ZNF385D: variants seen among roughly 807,000 people sequenced by gnomAD.
ZNF385D encodes zinc finger protein 385D.
In ZNF385D, 15 loss-of-function variants were observed where a neutral mutation model predicts 35.8. The ratio of observed to expected loss-of-function variants is 0.42; its 90% CI spans 0.28 to 0.64. The LOEUF (loss-of-function observed/expected upper bound fraction) is 0.64, where lower values mean the gene tolerates loss of function less well. Ranked by LOEUF, ZNF385D falls within the 30% of genes least tolerant of loss-of-function variation. The pLI, the probability that ZNF385D is intolerant of heterozygous loss-of-function variation, is 0.23. For synonymous variants in ZNF385D, 212 were observed against 186.8 expected, an observed-to-expected ratio of 1.13 and a Z score of -1.10; for missense variants, 474 against 494.6, an observed-to-expected ratio of 0.96 and a Z score of 0.39.
intron 2 of ZNF385D, among the ~76,000 whole-genome samples, chr3:22,295,201 C>G (rs1008309880): frequency 2.0e-5 from 3 of 152,098 alleles, no homozygotes; most frequent in Non-Finnish European, 4.4e-5. Context: ...AAAGATTTAA[C>G]AGTCTTTCAG....
chr3:22,222,151 A>G (rs1576519595), intron 2 of ZNF385D, among the ~76,000 whole-genome samples: 1 of 151,872 alleles, frequency 6.6e-6, no homozygotes, highest in South Asian at 2.1e-4. Flanking sequence ...TAATTTTTAT[A>G]TTTTTAGTAG....
chr3:21,524,787 G>A (rs1333261092), intron 3 of ZNF385D, among the ~76,000 whole-genome samples: 2 of 152,098 alleles, frequency 1.3e-5, no homozygotes, highest in African/African-American at 2.4e-5. Flanking sequence ...CTTATAAAGG[G>A]GAGGTCAAAA....
chr3:21,728,229 A>G (rs908253809), intron 1 of ZNF385D, among the ~76,000 whole-genome samples: 4 of 151,772 alleles, frequency 2.6e-5, no homozygotes, highest in Non-Finnish European at 4.4e-5. Flanking sequence ...TCACGTGTAT[A>G]CCTATGTAAC....
At chr3:22,320,824 TA>T (rs1308120532) in intron 2 of ZNF385D, among the ~76,000 whole-genome samples, 1 of 151,898 alleles carries the variant, frequency 6.6e-6, no homozygotes, top group African/African-American at 2.4e-5. Flanking sequence ...TTTTTGATTT[TA>T]TAAGTGTTCA....
chr3:21,832,217 T>C (rs755244254), intron 3 of ZNF385D, among the ~76,000 whole-genome samples: 1 of 152,158 alleles, frequency 6.6e-6, no homozygotes, highest in African/African-American at 2.4e-5. Context: ...TCTACTTTCA[T>C]TTTTAAAAGA....
chr3:21,459,503 A>G (rs1362758902), intron 4 of ZNF385D: 1 of 152,114 alleles, frequency 6.6e-6, no homozygotes, highest in Non-Finnish European at 1.5e-5. Flanking sequence ...TACCATATAA[A>G]TGCAAAAAAA....
rs555032996 is a variant in ZNF385D at position 21,633,480 on chromosome 3, A to G, written c.165+31406T>C. On this transcript the variant is annotated intron_variant, in intron 2 of 7. Transcript: ENST00000281523. ...GAGCAAAGAAGTAGGACAAGAGAAA[A>G]AAACCTTTAATACACATATCTGTAT... Among the ~76,000 whole-genome samples the G allele has an allele frequency of 6.5e-4, 99 of 152,216 alleles. 1 individual carries two copies. The highest frequency in any genetic ancestry group is 1.7e-3 in the South Asian group (8 of 4,826).
chr3:21,467,973 T>C (rs913698508), intron 4 of ZNF385D, among the ~76,000 whole-genome samples: 9 of 152,252 alleles, frequency 5.9e-5, no homozygotes, highest in Middle Eastern at 3.4e-3. Flanking sequence ...ATAAGACTTG[T>C]CTACGGGAAT....
At chr3:22,189,008 C>A (rs888070723) in intron 2 of ZNF385D, among the ~76,000 whole-genome samples, 1 of 151,852 alleles carries the variant, frequency 6.6e-6, no homozygotes, top group African/African-American at 2.4e-5. Flanking sequence ...GAAAGCCCAA[C>A]AGCCTCCTAG....
chr3:22,004,286 T>G (rs2125421093), intron 3 of ZNF385D, among the ~76,000 whole-genome samples: 1 of 152,122 alleles, frequency 6.6e-6, no homozygotes, highest in East Asian at 1.9e-4. Flanking sequence ...AAAAAATGAC[T>G]CAAATTTAAA....
chr3:21,988,635 C>T (rs568237538), intron 3 of ZNF385D, among the ~76,000 whole-genome samples: 2 of 151,152 alleles, frequency 1.3e-5, no homozygotes, highest in African/African-American at 4.8e-5. Context: ...TGTCTGTGCC[C>T]TGCCCGCAGA....
chr3:22,267,832 CTT>C (rs1700973519), intron 2 of ZNF385D, among the ~76,000 whole-genome samples: 1 of 151,902 alleles, frequency 6.6e-6, no homozygotes, highest in South Asian at 2.1e-4. Context: ...TCAATGTACA[CTT>C]TTCATATTTT....
intron 3 of ZNF385D, among the ~76,000 whole-genome samples, chr3:21,758,691 T>C (rs1041828117): frequency 6.6e-6 from 1 of 152,120 alleles, no homozygotes; most frequent in African/African-American, 2.4e-5. Flanking sequence ...GTAAGAAGCG[T>C]TACACACTTC....
intron 3 of ZNF385D, among the ~76,000 whole-genome samples, chr3:21,885,558 A>G (rs1005943855): frequency 6.6e-6 from 1 of 152,182 alleles, no homozygotes. Context: ...CTATGCATAC[A>G]TAAACCAAGA....
chr3:21,780,073 T>G (rs1334067599), intron 3 of ZNF385D, among the ~76,000 whole-genome samples: 1 of 151,844 alleles, frequency 6.6e-6, no homozygotes. Context: ...AATTAGTGAA[T>G]AGTCCACACC....
At position 21,604,955 on chromosome 3, in the gene ZNF385D, G is replaced by C. The variant is rs1363471090; in HGVS notation, c.166-40271C>G. On this transcript the variant is annotated intron_variant, in intron 2 of 7. Coordinates refer to ENST00000281523, the MANE Select transcript of ZNF385D (RefSeq NM_024697.3). The stretch of plus-strand genomic sequence containing the variant: ...AAAGAGGAGCCAGGTCAGGAGAACA[G>C]AACACTAGAGGATGGTGAAGAAAGT... Among the ~76,000 whole-genome samples the C allele has an allele frequency of 2.6e-5, 4 of 152,328 alleles. No homozygotes were observed. In the East Asian group the frequency reaches 7.7e-4, roughly 29 times the overall value.
chr3:21,825,277 A>C (rs1310748029), intron 3 of ZNF385D, among the ~76,000 whole-genome samples: 2 of 152,184 alleles, frequency 1.3e-5, no homozygotes, highest in African/African-American at 2.4e-5. Flanking sequence ...TGAAGCTTGC[A>C]TCTAACTCAT....
At chr3:21,793,154 G>C (rs1849920) in intron 3 of ZNF385D, among the ~76,000 whole-genome samples, 33,977 of 152,146 alleles carry the variant, frequency 0.22, 4,006 homozygotes, top group Middle Eastern at 0.31. Context: ...ACAGCAGAAA[G>C]AATGTCAAAT....
chr3:22,305,922 C>T (rs1160242194), intron 2 of ZNF385D, among the ~76,000 whole-genome samples: 1 of 152,158 alleles, frequency 6.6e-6, no homozygotes, highest in African/African-American at 2.4e-5. Context: ...TTCTGTGTAG[C>T]ACTACCTTCC....
Sources: gnomAD v4.1 joint callset for allele counts (sites outside exome capture counted in the v4.1 genomes callset) on GRCh38, gnomAD v4.1.1 for gene constraint, MANE v1.5 for transcripts, NCBI Gene and HGNC (gene_info 2026-07-23, HGNC 2026-07-21) for gene names.